ATP12A: variants seen among roughly 807,000 people sequenced by gnomAD.
The protein encoded by ATP12A is ATPase H+/K+ transporting non-gastric alpha2 subunit.
In ATP12A, 81 loss-of-function variants were observed where a neutral mutation model predicts 111.2. The observed-to-expected ratio is 0.73, with a 90% confidence interval of 0.61 to 0.88. The LOEUF (loss-of-function observed/expected upper bound fraction) is 0.88. ATP12A is among the 40% of genes least tolerant of loss of function. The probability of loss-of-function intolerance (pLI) is 0.00; values close to 1 mark genes in which losing one functional copy is unlikely to be tolerated. For missense variants in ATP12A, 1,196 were observed against 1,313.1 expected (o/e 0.91, Z 1.38); for synonymous variants, 498 against 499.8 (o/e 1.00, Z 0.05).
At chr13:24,696,894 C>G (rs566361370) in intron 11 of ATP12A, among the ~76,000 whole-genome samples, 2 of 151,946 alleles carry the variant, frequency 1.3e-5, no homozygotes, top group East Asian at 3.9e-4. Context: ...GACGTCTCTG[C>G]GGGAAGGAAA....
chr13:24,692,770 C>A lies in ATP12A; in HGVS notation c.1268-17C>A. 1 of 1,612,680 alleles carries A rather than the reference C, an allele frequency of 6.2e-7. No individual in the cohort carries two copies. Among genetic ancestry groups the A allele is most frequent in the South Asian group, 1.1e-5 (1 of 90,964 alleles). The stretch of plus-strand genomic sequence containing the variant: ...AGCCCAACCCACAGCAGCCACTGTT[C>A]TTTCTCTGTCTTCCAGACCAAGTCT... On this transcript the variant is annotated splice_polypyrimidine_tract_variant and intron_variant, in intron 9 of 22. Coordinates refer to ENST00000381946, the MANE Select transcript of ATP12A (RefSeq NM_001676.7).
In ATP12A at chr13:24,681,657, G is replaced by A. The variant is rs757064371; in HGVS notation, c.105G>A (p.Lys35=). Residue 35 remains lysine, a synonymous_variant, in exon 2 of 23, where the codon AAG becomes AAA. Transcript: ENST00000381946. ...GDGKEKYRGL[K]NNCLELKKKN... Reference sequence around the variant, plus strand: ...GCAAGGAGAAGTATAGGGGTCTGAAGAACAACTGCCTGGAACTCAAAAAGA... The same window carrying A: ...GCAAGGAGAAGTATAGGGGTCTGAAAAACAACTGCCTGGAACTCAAAAAGA... 3 of 1,614,188 alleles carry A rather than the reference G, an allele frequency of 1.9e-6. No individual in the cohort carries two copies. The highest frequency in any genetic ancestry group is 1.7e-6 in the Non-Finnish European group (2 of 1,180,034).
intron 9 of ATP12A, 45 bp from the exon 10 acceptor site, chr13:24,692,742 G>A: frequency 6.2e-7 from 1 of 1,604,916 alleles, no homozygotes; most frequent in East Asian, 2.2e-5. Context: ...CTCATGGACG[G>A]CCAGCCCAAC....
Position 24,685,495 on chromosome 13 carries a change from C to A in ATP12A, c.228+122C>A. 1 of 931,282 alleles carries A rather than the reference C, an allele frequency of 1.1e-6. No individual in the cohort carries two copies. The allele number at this position is 931,282 out of a possible 1,614,324, so 57.7% of individuals were successfully genotyped here. A position where few individuals can be genotyped will look rare whatever the true frequency, so the allele number is the denominator to read the frequency against. On this transcript the variant is annotated intron_variant, in intron 3 of 22. Transcript: ENST00000381946. This position sits in a 1 kb window ranked among gnomAD's most constrained non-coding sequence, Gnocchi z 5.5. ...CCTTTAGGAGGAGGGGCCCCTGCAG[C>A]GCCTTTGAGACTGCAGTTATTTGCA... is the stretch of plus-strand genomic sequence containing the variant.
chr13:24,690,911 A>AGG (rs1335616562), intron 7 of ATP12A, 71 bp from the exon 8 acceptor site: 6 of 1,579,860 alleles, frequency 3.8e-6, no homozygotes, highest in Non-Finnish European at 5.2e-6. Context: ...GCCCCCAGAG[A>AGG]GGGCTGCAAG....
intron 14 of ATP12A, among the ~76,000 whole-genome samples, chr13:24,702,773 C>T (rs996916832): frequency 2.0e-5 from 3 of 152,142 alleles, no homozygotes; most frequent in African/African-American, 7.2e-5. Context: ...TTCCATCGAG[C>T]CAAGGAGACA....
At chr13:24,711,246 C>A in intron 21 of ATP12A, 72 bp from the exon 22 acceptor site, 2 of 1,352,978 alleles carry the variant, frequency 1.5e-6, no homozygotes, top group Non-Finnish European at 2.1e-6. Context: ...CGAGAAGCCC[C>A]ATTCCCATTG....
chr13:24,692,440 G>C lies in ATP12A; in HGVS notation c.1080G>C (p.Ser360=), dbSNP rs759783098. The change falls in exon 9 of 23, where the codon TCG becomes TCC. Residue 360 remains serine (S), a synonymous_variant. Coordinates refer to ENST00000381946, the MANE Select transcript of ATP12A (RefSeq NM_001676.7). ...GLLATVTVTL[S]LTAKRMAKKN... ...CCCTCTCCTGCTAGGTGACCCTGTC[G>C]CTGACAGCAAAACGGATGGCCAAGA... is the stretch of plus-strand genomic sequence containing the variant. 1.5e-5 allele frequency: 25 copies of C among 1,613,624 alleles called. No homozygotes were observed. In the Admixed American group the frequency reaches 2.5e-4, roughly 16 times the overall value.
chr13:24,688,343 G>A lies in ATP12A; in HGVS notation c.253G>A (p.Glu85Lys), dbSNP rs776237164. 37 of 1,613,742 alleles carry A rather than the reference G, an allele frequency of 2.3e-5. No individual in the cohort carries two copies. Among genetic ancestry groups the A allele is most frequent in the Admixed American group, 2.0e-4 (12 of 59,972 alleles). ...GGGTCTCTCCAGCACCAGAGCTGCC[G>A]AGCTCCTGGCCCGGGATGGGCCCAA... is the stretch of plus-strand genomic sequence containing the variant. ...IMGLSSTRAA[E>K]LLARDGPNSL... Residue 85 changes from glutamate (E) to lysine (K), a missense_variant, in exon 4 of 23, where the codon GAG becomes AAG. By Grantham distance (56) the Glu-to-Lys change is moderately conservative. This residue lies in a region of ATP12A where 1,126 missense variants were observed against 1,228.5 expected (regional missense o/e 0.92). Transcript: ENST00000381946.
Position 24,691,095 on chromosome 13 carries a change from C to T in ATP12A, c.913C>T (p.His305Tyr), listed in dbSNP as rs776122923. The T allele has an allele frequency of 1.9e-5, 30 of 1,614,128 alleles. No individual in the cohort carries two copies. Among genetic ancestry groups the T allele is most frequent in the African/African-American group, 6.7e-5 (5 of 74,940 alleles). Reference protein sequence around the residue: ...EKTPIAIEIEHFVHIVAGVAV... With the variant: ...EKTPIAIEIEYFVHIVAGVAV... ...GACGCCCATTGCCATTGAGATCGAG[C>T]ACTTTGTTCACATTGTGGCAGGAGT... is the stretch of plus-strand genomic sequence containing the variant. The change falls in exon 8 of 23, where the codon CAC (histidine) becomes TAC (tyrosine). Residue 305 changes from histidine (H) to tyrosine (Y), a missense_variant. By Grantham distance (83) the His-to-Tyr change is moderately conservative (BLOSUM62 2). This residue lies in a region of ATP12A where 1,126 missense variants were observed against 1,228.5 expected (regional missense o/e 0.92). Coordinates refer to ENST00000381946, the MANE Select transcript of ATP12A (RefSeq NM_001676.7).
Position 24,706,353 on chromosome 13 carries a change from G to C in ATP12A, c.2059G>C (p.Asp687His). Residue 687 changes from aspartate (D) to histidine (H), a missense_variant, in exon 15 of 23, where the codon GAC becomes CAC. By Grantham distance (81) the Asp-to-His change is moderately conservative. Around this residue, in one of 3 missense-constraint regions of ATP12A, gnomAD observed 1,126 missense variants for 1,228.5 expected, o/e 0.92. Coordinates refer to ENST00000381946, the MANE Select transcript of ATP12A (RefSeq NM_001676.7). The part of the protein sequence containing the change: ...AAVVTGMELK[D>H]MSSEQLDEIL... ...TGTGGTGACTGGCATGGAGCTGAAG[G>C]ACATGAGCTCAGAACAGCTGGATGA... is the stretch of plus-strand genomic sequence containing the variant. 6.2e-7 allele frequency: 1 copy of C among 1,614,240 alleles called. No individual in the cohort carries two copies. Among genetic ancestry groups the C allele is most frequent in the African/African-American group, 1.3e-5 (1 of 75,072 alleles).
At chr13:24,691,659 T>G (rs902697519) in intron 8 of ATP12A, among the ~76,000 whole-genome samples, 22 of 152,156 alleles carry the variant, frequency 1.4e-4, no homozygotes, top group African/African-American at 4.6e-4. Flanking sequence ...TTCCTCCCAT[T>G]TTTCCTGCCG....
intron 11 of ATP12A, among the ~76,000 whole-genome samples, chr13:24,695,533 G>A (rs150256690): frequency 1.1e-4 from 16 of 151,902 alleles, no homozygotes; most frequent in East Asian, 1.9e-4. Context: ...ACAACTGTAC[G>A]TGTGGAGATT....
intron 7 of ATP12A, 47 bp from the exon 8 acceptor site, chr13:24,690,935 C>T: frequency 6.2e-7 from 1 of 1,608,080 alleles, no homozygotes; most frequent in Non-Finnish European, 8.5e-7. Flanking sequence ...GCTGCACACC[C>T]CTCCTGGCTG....
In ATP12A at chr13:24,692,620, C is replaced by A; in HGVS notation, c.1260C>A (p.Asp420Glu). 1 of 1,612,936 alleles carries A rather than the reference C, an allele frequency of 6.2e-7. No homozygotes were observed. Among genetic ancestry groups the A allele is most frequent in the Non-Finnish European group, 8.5e-7 (1 of 1,179,058 alleles). ...NQIFVADTSE[D>E]HSNQVFDQSS... ...TCTTTGTGGCTGACACCAGTGAGGA[C>A]CATTCAAGTAAGTCTTATGGAGAGC... The change falls in exon 9 of 23, where the codon GAC (aspartate) becomes GAA (glutamate). Residue 420 changes from aspartate to glutamate, a missense_variant. Asp to Glu is a conservative substitution (Grantham distance 45). Coordinates refer to ENST00000381946, the MANE Select transcript of ATP12A (RefSeq NM_001676.7).
rs752899934 is a variant in ATP12A, at chr13:24,694,472, C to G, written c.1406C>G (p.Thr469Ser). 2 of 1,614,018 alleles carry G rather than the reference C, an allele frequency of 1.2e-6. No homozygotes were observed. Among genetic ancestry groups the G allele is most frequent in the Admixed American group, 1.7e-5 (1 of 59,988 alleles). Residue 469 changes from threonine to serine, a missense_variant, in exon 11 of 23, where the codon ACT becomes AGT. Physicochemically the swap from Thr to Ser is moderately conservative, Grantham distance 58 (BLOSUM62 1). Coordinates refer to ENST00000381946, the MANE Select transcript of ATP12A (RefSeq NM_001676.7). Reference sequence around the variant, plus strand: ...GCTGTGATTGGAGATGCCTCAGAAACTGCTCTTTTAAAATTCTCAGAGGTC... The same window carrying G: ...GCTGTGATTGGAGATGCCTCAGAAAGTGCTCTTTTAAAATTCTCAGAGGTC... ...KKAVIGDASETALLKFSEVIL... is the reference protein window; with the variant it reads ...KKAVIGDASESALLKFSEVIL...
chr13:24,701,012 G>C, intron 13 of ATP12A, 90 bp downstream of exon 13: 1 of 1,394,296 alleles, frequency 7.2e-7, no homozygotes, highest in East Asian at 2.3e-5. Flanking sequence ...TCAGTATTTA[G>C]GTGTCTTCAA....
rs1359755904 is a variant in ATP12A, at chr13:24,706,428, C to G, written c.2134C>G (p.Gln712Glu). The G allele has an allele frequency of 1.9e-6, 3 of 1,614,182 alleles. No individual in the cohort carries two copies. Among genetic ancestry groups the G allele is most frequent in the African/African-American group, 2.7e-5 (2 of 75,072 alleles). ...TGTCTTTGCCCGGACATCCCCCCAG[C>G]AGAAGCTGATCATTGTGGAGGGCTG... ...EIVFARTSPQ[Q>E]KLIIVEGCQR... The change falls in exon 15 of 23, where the codon CAG (glutamine) becomes GAG (glutamate). Residue 712 changes from glutamine to glutamate, a missense_variant. Gln to Glu is a conservative substitution (Grantham distance 29). Around this residue, in one of 3 missense-constraint regions of ATP12A, gnomAD observed 1,126 missense variants for 1,228.5 expected, o/e 0.92. Transcript: ENST00000381946.
chr13:24,703,657 A>G (rs9578772), intron 14 of ATP12A: 33,422 of 152,078 alleles, frequency 0.22, 3,819 homozygotes, highest in Middle Eastern at 0.34. Context: ...TACTACCTTC[A>G]GACCAGCCGA....
Sources: allele counts gnomAD v4.1 joint callset (sites outside exome capture counted in the v4.1 genomes callset), GRCh38; gene constraint gnomAD v4.1.1; regional missense constraint gnomAD v4.1.1; non-coding constraint Gnocchi (gnomAD v3.1); transcripts MANE v1.5; gene names NCBI Gene and HGNC (gene_info 2026-07-23, HGNC 2026-07-21).